DST: variants seen among roughly 807,000 people sequenced by gnomAD.
DST encodes the protein bullous pemphigoid antigen.
A neutral mutation model predicts 875.2 loss-of-function variants in DST; 253 were observed. The ratio of observed to expected loss-of-function variants is 0.29; its 90% CI spans 0.26 to 0.32. The LOEUF (loss-of-function observed/expected upper bound fraction) is 0.32. Among genes scored for constraint, DST ranks in the 10% least tolerant of loss-of-function variants. The probability of loss-of-function intolerance (pLI) is 1.00; values close to 1 mark genes in which losing one functional copy is unlikely to be tolerated. For synonymous variants in DST, 3,124 were observed against 3,197.1 expected, an observed-to-expected ratio of 0.98 and a Z score of 0.77; for missense variants, 8,287 against 9,111.6, an observed-to-expected ratio of 0.91 and a Z score of 3.68.
Position 56,605,491 on chromosome 6 carries a change from T to A in DST, c.9137A>T (p.Asp3046Val), listed in dbSNP as rs76282567. The A allele has an allele frequency of 6.2e-7, 1 of 1,612,996 alleles. No homozygotes were observed. The highest frequency in any genetic ancestry group is 1.1e-5 in the South Asian group (1 of 91,058). The change falls in exon 40 of 104, where the codon GAT becomes GTT. Residue 3046 changes from aspartate to valine, a missense_variant. Asp to Val is a radical substitution (Grantham distance 152). This residue lies in a region of DST where 3,138 missense variants were observed against 3,116.6 expected (regional missense o/e 1.01). Transcript: ENST00000680361. ...GTACATTTTCTGAATTGATGTTTCA[T>A]CTTCTATTAGAATATCACTTTTGCC... ...RDGKSDILIE[D>V]ETSIQKMYLG... is the part of the protein sequence containing the mutation.
At chr6:56,532,012 G>A (rs948110705) in intron 64 of DST, among the ~76,000 whole-genome samples, 6 of 152,106 alleles carry the variant, frequency 3.9e-5, no homozygotes, top group African/African-American at 1.4e-4. Flanking sequence ...TACCCTATCT[G>A]ATGACAGAGA....
intron 3 of DST, chr6:56,871,776 T>TAAAAAAAAAAAAAAAAAAAAAAAAAGA (rs746142378): frequency 1.1e-5 from 1 of 93,730 alleles, no homozygotes; most frequent in African/African-American, 4.4e-5. Flanking sequence ...CAATTAAAAG[T>TAAAAAAAAAAAAAAAAAAAAAAAAAGA]AAAAAAAAAA....
intron 2 of DST, among the ~76,000 whole-genome samples, chr6:56,905,653 C>CT (rs77792525): frequency 2.1e-3 from 299 of 143,006 alleles, no homozygotes; most frequent in African/African-American, 3.1e-3. Flanking sequence ...TTTTTCTCTA[C>CT]TTTTTTTTTT....
At chr6:56,578,494 C>T (rs762061669) in intron 50 of DST, among the ~76,000 whole-genome samples, 2 of 152,152 alleles carry the variant, frequency 1.3e-5, no homozygotes, top group African/African-American at 4.8e-5. Flanking sequence ...CCTAACTCTG[C>T]CCAATCCCAT....
chr6:56,883,762 AT>A (rs1783315015), intron 3 of DST, among the ~76,000 whole-genome samples: 1 of 151,888 alleles, frequency 6.6e-6, no homozygotes, highest in Non-Finnish European at 1.5e-5. Context: ...CCCTATCCAC[AT>A]TTTCTCCCCT....
intron 15 of DST, 130 bp from the exon 16 acceptor site, chr6:56,642,633 A>G: frequency 1.2e-6 from 2 of 1,614,176 alleles, no homozygotes; most frequent in Non-Finnish European, 8.5e-7. Flanking sequence ...TGTGTCCATC[A>G]AAGGATTCAC....
rs1435690663 is a variant in DST at position 56,761,818 on chromosome 6, C to A, written c.626-26529G>T. Among the ~76,000 whole-genome samples, 3 of 152,126 alleles carry A rather than the reference C, an allele frequency of 2.0e-5. No homozygotes were observed. The South Asian group carries it at 6.2e-4, about 32-fold the overall frequency. Reference sequence around the variant, plus strand: ...GATACTTCAAGTCAAAAAAGAAGAACTTACATCACAATCACTTTTTACCAA... The same window carrying A: ...GATACTTCAAGTCAAAAAAGAAGAAATTACATCACAATCACTTTTTACCAA... On this transcript the variant is annotated intron_variant, in intron 4 of 103. Coordinates refer to ENST00000680361, the MANE Select transcript of DST (RefSeq NM_001374736.1).
At chr6:56,631,122 A>T in intron 30 of DST, 89 bp downstream of exon 30, 1 of 521,356 alleles carries the variant, frequency 1.9e-6, no homozygotes, top group Non-Finnish European at 2.8e-6. Context: ...GTTAATATTT[A>T]TATTAATAAA....
chr6:56,931,878 T>C (rs555808656), intron 2 of DST, among the ~76,000 whole-genome samples: 1 of 152,350 alleles, frequency 6.6e-6, no homozygotes, highest in East Asian at 1.9e-4. Context: ...TACAGGCTCA[T>C]AGGCAGAAGA....
chr6:56,622,902 T>C (rs959257374), intron 36 of DST, among the ~76,000 whole-genome samples: 6 of 152,222 alleles, frequency 3.9e-5, no homozygotes, highest in Non-Finnish European at 5.9e-5. Context: ...CATCTTTGAT[T>C]TTATGTTTAT....
rs1239842339 is a variant in DST, at chr6:56,702,088, A to G, written c.877-123T>C. ...GTATTTACCGTTTAGGTAAGGCCATAAGATTTTCTAAGAAGGTTTCAATTT... is the reference window on the plus strand; with the variant it reads ...GTATTTACCGTTTAGGTAAGGCCATGAGATTTTCTAAGAAGGTTTCAATTT... On this transcript the variant is annotated intron_variant, in intron 7 of 103. Transcript: ENST00000680361. 9.3e-6 allele frequency: 5 copies of G among 540,010 alleles called. No homozygotes were observed. The Middle Eastern group carries it at 1.4e-3, about 146-fold the overall frequency. 33.5% of individuals were successfully genotyped at this position (540,010 alleles called of 1,614,324 possible). A position where few individuals can be genotyped will look rare whatever the true frequency, so the allele number is the denominator to read the frequency against.
chr6:56,508,693 C>G lies in DST; in HGVS notation c.19075G>C (p.Glu6359Gln). ...ACATCCAGTAGTTTGGCTTCCCTCT[C>G]TTCCACCAGTGTGTGTATGTTCTCC... ...IWENIHTLVE[E>Q]REAKLLDVME... is the part of the protein sequence containing the mutation. The change falls in exon 75 of 104, where the codon GAG (glutamate) becomes CAG (glutamine). Residue 6359 changes from glutamate to glutamine, a missense_variant. Around this residue, in one of 10 missense-constraint regions of DST, gnomAD observed 1,292 missense variants for 1,552.7 expected, o/e 0.83. Coordinates refer to ENST00000680361, the MANE Select transcript of DST (RefSeq NM_001374736.1). 1 of 1,613,862 alleles carries G rather than the reference C, an allele frequency of 6.2e-7. No individual in the cohort carries two copies. Among genetic ancestry groups the G allele is most frequent in the Non-Finnish European group, 8.5e-7 (1 of 1,179,792 alleles).
chr6:56,460,074 A>G, intron 103 of DST, 57 bp downstream of exon 103: 1 of 1,543,312 alleles, frequency 6.5e-7, no homozygotes, highest in Non-Finnish European at 8.8e-7. Context: ...AAGGGACTTT[A>G]ATCCTCAGAT....
intron 3 of DST, among the ~76,000 whole-genome samples, chr6:56,890,175 C>T (rs528741998): frequency 6.6e-6 from 1 of 150,810 alleles, no homozygotes; most frequent in Admixed American, 6.6e-5. Flanking sequence ...GCTGTATGAC[C>T]TTGACACATT....
chr6:56,665,544 T>C (rs923143228), intron 10 of DST, among the ~76,000 whole-genome samples: 1 of 152,108 alleles, frequency 6.6e-6, no homozygotes, highest in South Asian at 2.1e-4. Flanking sequence ...TACATGGAAG[T>C]ATATGAAGAT....
intron 2 of DST, among the ~76,000 whole-genome samples, chr6:56,935,871 G>GCCGAGATCACA (rs1457789978): frequency 1.3e-5 from 2 of 151,090 alleles, no homozygotes; most frequent in African/African-American, 4.9e-5. Flanking sequence ...GTTGCAGTGA[G>GCCGAGATCACA]CCGAGATCAC....
intron 5 of DST, among the ~76,000 whole-genome samples, chr6:56,710,989 T>C (rs1015111094): frequency 3.3e-5 from 5 of 151,672 alleles, no homozygotes; most frequent in Admixed American, 3.3e-4. Context: ...TCTTAAGGTA[T>C]TAATGGATAA....
At position 56,742,548 on chromosome 6, in the gene DST, A is replaced by G; in HGVS notation, c.626-7259T>C. On this transcript the variant is annotated intron_variant, in intron 4 of 103. Transcript: ENST00000680361. ...TTTGTAGGGGATATATACAACTGTT[A>G]CTAAAAAGAAACCAAATTGTCTATT... 2 of 286,596 alleles carry G rather than the reference A, an allele frequency of 7.0e-6. 1 individual carries two copies. The highest frequency in any genetic ancestry group is 7.0e-5 in the South Asian group (2 of 28,748). The allele number at this position is 286,596 out of a possible 1,614,324, so 17.8% of individuals were successfully genotyped here.
chr6:56,851,537 A>T lies in DST; in HGVS notation c.485T>A (p.Phe162Tyr). Residue 162 changes from phenylalanine to tyrosine, a missense_variant, in exon 4 of 104, where the codon TTC (phenylalanine) becomes TAC (tyrosine). Transcript: ENST00000680361. ...GGATGCGGAGCCAGATTTCTGGCTG[A>T]AATCATCCTCATCGGAAAAATCCGC... ...SSADFSDEDD[F>Y]SQKSGSASPA... 6.2e-7 allele frequency: 1 copy of T among 1,614,056 alleles called. No individual in the cohort carries two copies. The highest frequency in any genetic ancestry group is 1.3e-5 in the African/African-American group (1 of 75,072).
Sources: gnomAD v4.1 joint callset for allele counts (sites outside exome capture counted in the v4.1 genomes callset) on GRCh38, gnomAD v4.1.1 for gene constraint, gnomAD v4.1.1 regional missense constraint, MANE v1.5 for transcripts, NCBI Gene and HGNC (gene_info 2026-07-23, HGNC 2026-07-21) for gene names.